DENND1A: variants seen among roughly 807,000 people sequenced by gnomAD.
DENND1A encodes the protein DENN domain containing 1A.
DENND1A carries 51 observed loss-of-function variants against 113.7 expected under a neutral mutation model. The observed-to-expected ratio is 0.45, with a 90% CI of 0.36 to 0.57. The LOEUF is 0.57. Among genes scored for constraint, DENND1A ranks in the 20% least tolerant of loss-of-function variants. DENND1A has a pLI of 0.00. For synonymous variants in DENND1A, 565 were observed against 570.8 expected (o/e 0.99, Z 0.14); for missense variants, 1,258 against 1,395.9 (o/e 0.90, Z 1.57).
chr9:123,923,094 G>T (rs1378177590), intron 1 of DENND1A, among the ~76,000 whole-genome samples: 1 of 152,154 alleles, frequency 6.6e-6, no homozygotes, highest in East Asian at 1.9e-4. Flanking sequence ...GAAAAAGGCT[G>T]GACCTTTGCA....
intron 4 of DENND1A, among the ~76,000 whole-genome samples, chr9:123,762,365 G>A (rs1208401434): frequency 6.6e-6 from 1 of 152,186 alleles, no homozygotes; most frequent in East Asian, 1.9e-4. Context: ...AGCTATTCAA[G>A]CCACAGACCT....
intron 2 of DENND1A, among the ~76,000 whole-genome samples, chr9:123,877,819 T>C (rs756969189): frequency 6.6e-6 from 1 of 151,906 alleles, no homozygotes; most frequent in East Asian, 1.9e-4. Flanking sequence ...AGCAATTCCA[T>C]CTCATGAAAA....
At chr9:123,469,423 C>A (rs1053201787) in intron 13 of DENND1A, among the ~76,000 whole-genome samples, 7 of 152,252 alleles carry the variant, frequency 4.6e-5, no homozygotes, top group African/African-American at 7.2e-5. Context: ...GAAGCCCCCA[C>A]ACGCGCTTGC....
chr9:123,461,535 A>G (rs1050012334), intron 13 of DENND1A, among the ~76,000 whole-genome samples: 3 of 152,190 alleles, frequency 2.0e-5, no homozygotes, highest in Admixed American at 6.5e-5. Flanking sequence ...GGAAATGCTC[A>G]CTGAAGTGGC....
intron 11 of DENND1A, among the ~76,000 whole-genome samples, chr9:123,587,089 C>T (rs140887843): frequency 8.9e-4 from 135 of 151,536 alleles, no homozygotes; most frequent in African/African-American, 3.0e-3. Context: ...TCTGGTCCTG[C>T]GGTGCCAACA....
intron 13 of DENND1A, among the ~76,000 whole-genome samples, chr9:123,505,206 T>G (rs1345493631): frequency 6.6e-6 from 1 of 152,260 alleles, no homozygotes; most frequent in African/African-American, 2.4e-5. Flanking sequence ...TAAATTACAA[T>G]ATGTACAAGT....
At chr9:123,685,282 C>T (rs2063029211) in intron 5 of DENND1A, among the ~76,000 whole-genome samples, 1 of 152,218 alleles carries the variant, frequency 6.6e-6, no homozygotes, top group Admixed American at 6.5e-5. Context: ...CTAAGCCAGT[C>T]TCACCCAGTC....
chr9:123,896,330 CA>C (rs536760482), intron 1 of DENND1A, among the ~76,000 whole-genome samples: 78 of 143,410 alleles, frequency 5.4e-4, no homozygotes, highest in Middle Eastern at 3.5e-3. Flanking sequence ...AACAAACAAA[CA>C]AAAAAAAAAA....
chr9:123,834,644 A>G (rs903849612), intron 2 of DENND1A, among the ~76,000 whole-genome samples: 11 of 152,224 alleles, frequency 7.2e-5, no homozygotes, highest in African/African-American at 2.7e-4. Context: ...TAAGCCCTGT[A>G]TATAGCTCTG....
intron 13 of DENND1A, among the ~76,000 whole-genome samples, chr9:123,545,653 G>A (rs867791786): frequency 9.2e-5 from 14 of 151,976 alleles, no homozygotes; most frequent in Non-Finnish European, 2.1e-4. Context: ...ATTTTTAGTA[G>A]AGACGGGGTT....
intron 13 of DENND1A, among the ~76,000 whole-genome samples, chr9:123,494,018 G>T (rs1046308061): frequency 2.0e-5 from 3 of 152,166 alleles, no homozygotes; most frequent in South Asian, 4.1e-4. Flanking sequence ...GGAAAACAGG[G>T]GTCTGGGCAA....
chr9:123,478,305 C>T (rs191869960), intron 13 of DENND1A, among the ~76,000 whole-genome samples: 3 of 152,322 alleles, frequency 2.0e-5, no homozygotes, highest in East Asian at 1.9e-4. Context: ...GGGGAATAAG[C>T]GTCCAGGGCA....
intron 11 of DENND1A, among the ~76,000 whole-genome samples, chr9:123,586,876 G>C (rs1050663544): frequency 1.3e-5 from 2 of 152,104 alleles, no homozygotes; most frequent in African/African-American, 4.8e-5. Flanking sequence ...GGAACCAAGT[G>C]GGGGCGCAGA....
intron 21 of DENND1A, among the ~76,000 whole-genome samples, chr9:123,394,884 G>C: frequency 6.6e-6 from 1 of 152,204 alleles, no homozygotes; most frequent in East Asian, 1.9e-4. Flanking sequence ...CTGAGTTCTG[G>C]GAACTGTGGG....
chr9:123,912,703 G>A (rs80084553), intron 1 of DENND1A, among the ~76,000 whole-genome samples: 5,779 of 152,142 alleles, frequency 0.038, 112 homozygotes, highest in Middle Eastern at 0.048. Context: ...GACCCCATCA[G>A]TGTGGTTTCA....
In DENND1A at chr9:123,781,405, A is replaced by T. The variant is rs535953297; in HGVS notation, c.132+11182T>A. Among the ~76,000 whole-genome samples, 43 of 152,298 alleles carry T rather than the reference A, an allele frequency of 2.8e-4. No homozygotes were observed. The South Asian group carries it at 8.9e-3, about 32-fold the overall frequency. ...CATCTGCCTTGTGATGAGAAACTGG[A>T]GAGTGGTGCTAAAATAGTGAGGTTT... On this transcript the variant is annotated intron_variant, in intron 3 of 23. Coordinates refer to ENST00000394215, the MANE Select transcript of DENND1A (RefSeq NM_001352964.2).
intron 5 of DENND1A, among the ~76,000 whole-genome samples, chr9:123,720,482 A>G (rs1219877435): frequency 1.3e-5 from 2 of 152,140 alleles, no homozygotes; most frequent in South Asian, 2.1e-4. Context: ...AATGTAATCA[A>G]AGTGGAGGAC....
intron 13 of DENND1A, among the ~76,000 whole-genome samples, chr9:123,513,116 C>T (rs1435537794): frequency 1.3e-5 from 2 of 152,220 alleles, no homozygotes; most frequent in African/African-American, 4.8e-5. Context: ...CCTGTTGGCC[C>T]TTCTTCTCCG....
chr9:123,893,160 C>T (rs1447194831), intron 1 of DENND1A, among the ~76,000 whole-genome samples: 2 of 149,716 alleles, frequency 1.3e-5, no homozygotes, highest in Non-Finnish European at 3.0e-5. Flanking sequence ...ACAAGATAAA[C>T]ATTTAAGATA....
Sources: allele counts gnomAD v4.1 joint callset (sites outside exome capture counted in the v4.1 genomes callset), GRCh38; gene constraint gnomAD v4.1.1; transcripts MANE v1.5; gene names NCBI Gene and HGNC (gene_info 2026-07-23, HGNC 2026-07-21).